The following SMG8 variants were observed in gnomAD, a reference collection of about 807,000 sequenced individuals.
SMG8 encodes the protein SMG8 nonsense mediated mRNA decay factor, also known as nonsense-mediated mRNA decay factor SMG8.
Under a neutral mutation model 82.1 loss-of-function variants are expected in SMG8, and 49 were observed. That is an observed-to-expected ratio of 0.60 (90% CI 0.47 to 0.76). The LOEUF (loss-of-function observed/expected upper bound fraction) is 0.76. Ranked by LOEUF, SMG8 falls within the 30% of genes least tolerant of loss-of-function variation. SMG8 has a pLI of 0.00. For synonymous variants in SMG8, 404 were observed against 430.0 expected (o/e 0.94, Z 0.75); for missense variants, 969 against 1,166.4 (o/e 0.83, Z 2.46).
Position 59,214,875 on chromosome 17 carries a change from GC to G in SMG8, c.2851del (p.Leu951PhefsTer4), listed in dbSNP as rs777579091. ...CAAGAAATCACCCTTCCACCTGATG[GC>G]CTTTGGGTTTTGAGATTTCCTTATG... ...EKQEITLPPDGLWVLRFPYAY... is the reference protein window; with the variant it reads ...EKQEITLPPDXLWVLRFPYAY... On this transcript the variant is annotated frameshift_variant, in exon 4 of 4. Transcript: ENST00000300917. LOFTEE classifies it high-confidence loss of function. The G allele has an allele frequency of 1.1e-6, 1 of 872,820 alleles. No individual in the cohort carries two copies. The highest frequency in any genetic ancestry group is 2.0e-6 in the Non-Finnish European group (1 of 501,698). 54.1% of individuals were successfully genotyped at this position (872,820 alleles called of 1,614,324 possible).
rs148009871 is a variant in SMG8, at chr17:59,212,392, G to A, written c.1811G>A (p.Arg604Gln). 13 of 1,606,572 alleles carry A rather than the reference G, an allele frequency of 8.1e-6. No homozygotes were observed. Among genetic ancestry groups the A allele is most frequent in the African/African-American group, 5.3e-5 (4 of 74,932 alleles). Residue 604 changes from arginine to glutamine, a missense_variant, in exon 2 of 4, where the codon CGA becomes CAA. Transcript: ENST00000300917. ...RNPPVLYHNS[R>Q]ARSTGACNCG... ...CCGCCTGTGCTATATCACAATAGCC[G>A]AGCTCGATCTACTGGTGCTTGCAAC...
At chr17:59,212,663 T>A (rs1597951774) in intron 2 of SMG8, 66 bp from the exon 3 acceptor site, 1 of 1,511,436 alleles carries the variant, frequency 6.6e-7, no homozygotes, top group South Asian at 1.3e-5. Flanking sequence ...ATTATTGATC[T>A]TGTTAGAATG....
chr17:59,211,932 G>C, intron 1 of SMG8, 122 bp downstream of exon 1: 1 of 839,070 alleles, frequency 1.2e-6, no homozygotes. Flanking sequence ...AAATTTAGGT[G>C]CATCAGCTAT....
chr17:59,211,208 G>C lies in SMG8; in HGVS notation c.1157G>C (p.Ser386Thr), dbSNP rs116637376. ...PRRYQVMRQHSRQQLSFHIDS... is the reference protein window; with the variant it reads ...PRRYQVMRQHTRQQLSFHIDS... The stretch of plus-strand genomic sequence containing the variant: ...CGATACCAGGTGATGAGGCAGCACA[G>C]CCGACAACAACTTTCCTTTCACATT... Residue 386 changes from serine to threonine, a missense_variant, in exon 1 of 4, where the codon AGC becomes ACC. This residue lies in a region of SMG8 where 662 missense variants were observed against 884.8 expected (regional missense o/e 0.75). Coordinates refer to ENST00000300917, the MANE Select transcript of SMG8 (RefSeq NM_018149.7). The C allele has an allele frequency of 6.2e-7, 1 of 1,614,228 alleles. No individual in the cohort carries two copies.
chr17:59,214,306 C>G (rs2046957956), intron 3 of SMG8, among the ~76,000 whole-genome samples: 1 of 151,920 alleles, frequency 6.6e-6, no homozygotes, highest in South Asian at 2.1e-4. Flanking sequence ...AAAAAAAGTT[C>G]TGGGGAAAAG....
chr17:59,212,902 G>C lies in SMG8; in HGVS notation c.2079G>C (p.Leu693=). 6.2e-7 allele frequency: 1 copy of C among 1,614,090 alleles called. No individual in the cohort carries two copies. Among genetic ancestry groups the C allele is most frequent in the Non-Finnish European group, 8.5e-7 (1 of 1,180,034 alleles). The part of the protein sequence containing the change: ...EPQTQGESTS[L]SLALSLGQST... ...AAACCCAAGGAGAGAGCACGAGCCT[G>C]AGTTTAGCTTTGAGTTTGGGCCAAT... Residue 693 remains leucine, a synonymous_variant, in exon 3 of 4, where the codon CTG becomes CTC. Coordinates refer to ENST00000300917, the MANE Select transcript of SMG8 (RefSeq NM_018149.7).
rs371471344 is a variant in SMG8 at position 59,213,616 on chromosome 17, C to T, written c.2778+15C>T. ...TAATGCCTCAGGTAAGAAATATAACCCTCTGCAGCCCCAAACAAGTAAAAA... is the reference window on the plus strand; with the variant it reads ...TAATGCCTCAGGTAAGAAATATAACTCTCTGCAGCCCCAAACAAGTAAAAA... On this transcript the variant is annotated intron_variant, in intron 3 of 3. Coordinates refer to ENST00000300917, the MANE Select transcript of SMG8 (RefSeq NM_018149.7). 2 of 1,566,440 alleles carry T rather than the reference C, an allele frequency of 1.3e-6. No individual in the cohort carries two copies. Among genetic ancestry groups the T allele is most frequent in the Admixed American group, 2.1e-5 (1 of 48,582 alleles).
At chr17:59,213,840 A>G (rs8065114) in intron 3 of SMG8, among the ~76,000 whole-genome samples, 39,279 of 152,066 alleles carry the variant, frequency 0.26, 5,668 homozygotes, top group African/African-American at 0.38. Flanking sequence ...ATTAAATTAA[A>G]AAACGAATTA....
In SMG8 at chr17:59,212,192, T is replaced by C. The variant is rs1036403413; in HGVS notation, c.1760-149T>C. ...TTAAAAACTCTAAACTTTACATTTA[T>C]AATATAAAGTATTTTATATACTTTC... On this transcript the variant is annotated intron_variant, in intron 1 of 3. Coordinates refer to ENST00000300917, the MANE Select transcript of SMG8 (RefSeq NM_018149.7). 5.8e-5 allele frequency: 32 copies of C among 549,756 alleles called. No individual in the cohort carries two copies. In the East Asian group the frequency reaches 1.0e-3, roughly 17 times the overall value. The allele number at this position is 549,756 out of a possible 1,614,324, so 34.1% of individuals were successfully genotyped here. A position where few individuals can be genotyped will look rare whatever the true frequency, so the allele number is the denominator to read the frequency against.
chr17:59,213,893 A>G (rs1190038372), intron 3 of SMG8, among the ~76,000 whole-genome samples: 1 of 152,160 alleles, frequency 6.6e-6, no homozygotes, highest in Non-Finnish European at 1.5e-5. Context: ...TCCATACCTA[A>G]TATTCTGTTT....
At position 59,214,873 on chromosome 17, in the gene SMG8, T is replaced by C. The variant is rs144577597; in HGVS notation, c.2847T>C (p.Asp949=). Reference sequence around the variant, plus strand: ...AACAAGAAATCACCCTTCCACCTGATGGCCTTTGGGTTTTGAGATTTCCTT... The same window carrying C: ...AACAAGAAATCACCCTTCCACCTGACGGCCTTTGGGTTTTGAGATTTCCTT... ...PEKQEITLPP[D]GLWVLRFPYA... is the part of the protein sequence containing the mutation. The change falls in exon 4 of 4, where the codon GAT becomes GAC. Residue 949 remains aspartate, a synonymous_variant. Coordinates refer to ENST00000300917, the MANE Select transcript of SMG8 (RefSeq NM_018149.7). 18 of 872,892 alleles carry C rather than the reference T, an allele frequency of 2.1e-5. No individual in the cohort carries two copies. In the African/African-American group the frequency reaches 2.9e-4, roughly 14 times the overall value. 54.1% of individuals were successfully genotyped at this position (872,892 alleles called of 1,614,324 possible).
intron 3 of SMG8, among the ~76,000 whole-genome samples, chr17:59,214,174 C>T (rs2046957217): frequency 1.3e-5 from 2 of 151,988 alleles, no homozygotes; most frequent in South Asian, 4.1e-4. Flanking sequence ...ATCCCAGCTA[C>T]TTGGGAGGCT....
In SMG8 at chr17:59,215,083, A is replaced by G. The variant is rs2147865860; in HGVS notation, c.*81A>G. 1 of 791,638 alleles carries G rather than the reference A, an allele frequency of 1.3e-6. No homozygotes were observed. Among genetic ancestry groups the G allele is most frequent in the East Asian group, 2.4e-5 (1 of 40,868 alleles). 49.0% of individuals were successfully genotyped at this position (791,638 alleles called of 1,614,324 possible). A position where few individuals can be genotyped will look rare whatever the true frequency, so the allele number is the denominator to read the frequency against. On this transcript the variant is annotated 3_prime_UTR_variant, in exon 4 of 4. Transcript: ENST00000300917. ...GTGGCTGTGTTTTTGGTATGTGTTT[A>G]CTGTGTTTTCCCAAATCCAAAATGT...
chr17:59,212,985 A>G lies in SMG8; in HGVS notation c.2162A>G (p.Glu721Gly). 6.2e-7 allele frequency: 1 copy of G among 1,614,146 alleles called. No homozygotes were observed. Among genetic ancestry groups the G allele is most frequent in the Non-Finnish European group, 8.5e-7 (1 of 1,180,018 alleles). The change falls in exon 3 of 4, where the codon GAA becomes GGA. Residue 721 changes from glutamate to glycine, a missense_variant. By Grantham distance (98) the Glu-to-Gly change is moderately conservative. This residue lies in a region of SMG8 where 662 missense variants were observed against 884.8 expected (regional missense o/e 0.75). Coordinates refer to ENST00000300917, the MANE Select transcript of SMG8 (RefSeq NM_018149.7). ...ADPQAGGDNP[E>G]VHGQVEVKTE... is the part of the protein sequence containing the mutation. ...CCACAAGCAGGAGGAGATAATCCAG[A>G]AGTTCATGGTCAAGTAGAAGTGAAA...
Position 59,215,100 on chromosome 17 carries a change from C to T in SMG8, c.*98C>T, listed in dbSNP as rs908797882. On this transcript the variant is annotated 3_prime_UTR_variant, in exon 4 of 4. Transcript: ENST00000300917. ...ATGTGTTTACTGTGTTTTCCCAAATCCAAAATGTGTTTTGGTTACAGGAGT... is the reference window on the plus strand; with the variant it reads ...ATGTGTTTACTGTGTTTTCCCAAATTCAAAATGTGTTTTGGTTACAGGAGT... 18 of 726,468 alleles carry T rather than the reference C, an allele frequency of 2.5e-5. No individual in the cohort carries two copies. The highest frequency in any genetic ancestry group is 4.1e-5 in the Non-Finnish European group (17 of 416,116). 45.0% of individuals were successfully genotyped at this position (726,468 alleles called of 1,614,324 possible).
At chr17:59,211,966 G>T in intron 1 of SMG8, 156 bp downstream of exon 1, 1 of 580,766 alleles carries the variant, frequency 1.7e-6, no homozygotes, top group Non-Finnish European at 2.7e-6. Context: ...TGCTGTAAAA[G>T]GAAAATATCA....
At position 59,212,756 on chromosome 17, in the gene SMG8, T is replaced by C; in HGVS notation, c.1933T>C (p.Leu645=). The change falls in exon 3 of 4, where the codon TTG becomes CTG. Residue 645 remains leucine (L), a synonymous_variant. Coordinates refer to ENST00000300917, the MANE Select transcript of SMG8 (RefSeq NM_018149.7). ...QLLEEKCCGK[L]DHINFPVFEP... ...TCTGGAAGAAAAGTGTTGTGGAAAA[T>C]TGGATCATATCAATTTCCCAGTATT... The C allele has an allele frequency of 1.2e-6, 2 of 1,607,288 alleles. No homozygotes were observed. Among genetic ancestry groups the C allele is most frequent in the African/African-American group, 1.3e-5 (1 of 74,526 alleles).
rs1270256472 is a variant in SMG8 at position 59,213,594 on chromosome 17, T to C, written c.2771T>C (p.Met924Thr). 1 of 1,602,234 alleles carries C rather than the reference T, an allele frequency of 6.2e-7. No individual in the cohort carries two copies. Among genetic ancestry groups the C allele is most frequent in the South Asian group, 1.1e-5 (1 of 88,894 alleles). Residue 924 changes from methionine to threonine, a missense_variant, in exon 3 of 4, where the codon ATG (methionine) becomes ACG (threonine). By Grantham distance (81) the Met-to-Thr change is moderately conservative (BLOSUM62 -1). Around this residue, in one of 3 missense-constraint regions of SMG8, gnomAD observed 101 missense variants for 91.1 expected, o/e 1.11. Transcript: ENST00000300917. ...GATGCTCCTTTGCAGATAATACTAA[T>C]GCCTCAGGTAAGAAATATAACCCTC... The part of the protein sequence containing the change: ...VPDAPLQIIL[M>T]PQVQPGPPPC...
At position 59,211,132 on chromosome 17, in the gene SMG8, G is replaced by C; in HGVS notation, c.1081G>C (p.Val361Leu). The change falls in exon 1 of 4, where the codon GTG (valine) becomes CTG (leucine). Residue 361 changes from valine (V) to leucine (L), a missense_variant. This residue lies in a region of SMG8 where 662 missense variants were observed against 884.8 expected (regional missense o/e 0.75). Transcript: ENST00000300917. ...GGACCAACTTAGGAGTCATTGTACTGTGAAGGACCCGGAATCTTTGCTGGT... is the reference window on the plus strand; with the variant it reads ...GGACCAACTTAGGAGTCATTGTACTCTGAAGGACCCGGAATCTTTGCTGGT... ...LLDQLRSHCT[V>L]KDPESLLVPA... 6.2e-7 allele frequency: 1 copy of C among 1,614,200 alleles called. No homozygotes were observed. The highest frequency in any genetic ancestry group is 1.3e-5 in the African/African-American group (1 of 75,068).
Sources: gnomAD v4.1 joint callset for allele counts (sites outside exome capture counted in the v4.1 genomes callset) on GRCh38, gnomAD v4.1.1 for gene constraint, gnomAD v4.1.1 regional missense constraint, MANE v1.5 for transcripts, NCBI Gene and HGNC (gene_info 2026-07-23, HGNC 2026-07-21) for gene names.